CTNNA3: variants seen among roughly 807,000 people sequenced by gnomAD.
The protein encoded by CTNNA3 is catenin alpha 3, also known as catenin alpha-3.
CTNNA3 carries 76 observed loss-of-function variants against 95.7 expected under a neutral mutation model. The observed-to-expected ratio is 0.79, with a 90% CI of 0.66 to 0.96. The LOEUF is 0.96. Ranked by LOEUF, CTNNA3 falls within the 40% of genes least tolerant of loss-of-function variation. The pLI is 0.00. For synonymous variants in CTNNA3, 431 were observed against 374.4 expected (o/e 1.15, Z -1.74); for missense variants, 1,191 against 1,089.8 (o/e 1.09, Z -1.31).
intron 9 of CTNNA3, among the ~76,000 whole-genome samples, chr10:66,730,217 T>C (rs1046777586): frequency 2.6e-5 from 4 of 151,972 alleles, no homozygotes; most frequent in African/African-American, 9.7e-5. Flanking sequence ...CTGTTAATGA[T>C]AGACTGGATA....
chr10:66,860,668 A>T (rs1384270059), intron 7 of CTNNA3, among the ~76,000 whole-genome samples: 2 of 152,274 alleles, frequency 1.3e-5, no homozygotes, highest in East Asian at 3.9e-4. Context: ...TATTTGCTAT[A>T]CATAAGACAA....
intron 5 of CTNNA3, among the ~76,000 whole-genome samples, chr10:67,246,161 C>G (rs1396477991): frequency 6.6e-6 from 1 of 152,190 alleles, no homozygotes; most frequent in Non-Finnish European, 1.5e-5. Flanking sequence ...TAATTAATAA[C>G]GATTTTGCCT....
chr10:66,856,450 A>G (rs1405875638), intron 7 of CTNNA3, among the ~76,000 whole-genome samples: 1 of 152,102 alleles, frequency 6.6e-6, no homozygotes, highest in Non-Finnish European at 1.5e-5. Context: ...GTTGGATTAA[A>G]TGGTAATTCT....
chr10:67,498,604 T>C (rs1297021972), intron 5 of CTNNA3, among the ~76,000 whole-genome samples: 1 of 152,234 alleles, frequency 6.6e-6, no homozygotes, highest in Non-Finnish European at 1.5e-5. Context: ...TCCTCTCTTA[T>C]TTCCTTGAGC....
intron 7 of CTNNA3, among the ~76,000 whole-genome samples, chr10:66,808,238 T>C (rs904852389): frequency 6.6e-6 from 1 of 152,100 alleles, no homozygotes; most frequent in Non-Finnish European, 1.5e-5. Context: ...CAAAGATGTA[T>C]ATTACCTACA....
intron 13 of CTNNA3, among the ~76,000 whole-genome samples, chr10:66,135,535 A>G (rs1050021941): frequency 6.6e-6 from 1 of 152,230 alleles, no homozygotes; most frequent in African/African-American, 2.4e-5. Flanking sequence ...TAAAACATAT[A>G]GAAAGAATAA....
At chr10:66,270,224 T>TGG (rs201185571) in intron 13 of CTNNA3, among the ~76,000 whole-genome samples, 28 of 95,828 alleles carry the variant, frequency 2.9e-4, no homozygotes, top group African/African-American at 7.9e-4. Context: ...TAACATTTTT[T>TGG]GGGGGGGGGG....
At chr10:66,671,263 A>G (rs1250153121) in intron 9 of CTNNA3, among the ~76,000 whole-genome samples, 1 of 152,176 alleles carries the variant, frequency 6.6e-6, no homozygotes, top group Non-Finnish European at 1.5e-5. Context: ...ATATGACGCA[A>G]TAACAATATT....
intron 1 of CTNNA3, among the ~76,000 whole-genome samples, chr10:67,736,384 A>C (rs1165311365): frequency 6.6e-6 from 1 of 152,022 alleles, no homozygotes; most frequent in East Asian, 1.9e-4. Flanking sequence ...AATGTATTTA[A>C]TGTTCCTGAA....
intron 13 of CTNNA3, among the ~76,000 whole-genome samples, chr10:66,279,958 C>T (rs1317272380): frequency 6.6e-6 from 1 of 151,946 alleles, no homozygotes; most frequent in Non-Finnish European, 1.5e-5. Context: ...CCCAAACAGA[C>T]AACTCCCAGA....
chr10:66,993,949 T>C (rs1417308629), intron 7 of CTNNA3, among the ~76,000 whole-genome samples: 1 of 152,188 alleles, frequency 6.6e-6, no homozygotes, highest in Non-Finnish European at 1.5e-5. Flanking sequence ...TTTTAACTTT[T>C]TGTCTTCTGA....
At chr10:66,813,824 G>C (rs1459845366) in intron 7 of CTNNA3, among the ~76,000 whole-genome samples, 1 of 124,148 alleles carries the variant, frequency 8.1e-6, no homozygotes, top group Non-Finnish European at 1.6e-5. Context: ...ACTATTTGGG[G>C]GAAGGGCGTG....
At chr10:66,358,219 C>A (rs1413115500) in intron 12 of CTNNA3, among the ~76,000 whole-genome samples, 3 of 152,134 alleles carry the variant, frequency 2.0e-5, no homozygotes, top group Non-Finnish European at 1.5e-5. Flanking sequence ...AAATGAGTTT[C>A]ATCCCATACC....
At chr10:67,264,627 C>T (rs1460043055) in intron 5 of CTNNA3, among the ~76,000 whole-genome samples, 1 of 152,128 alleles carries the variant, frequency 6.6e-6, no homozygotes, top group Non-Finnish European at 1.5e-5. Context: ...CTCTATTCTG[C>T]AAATTTTAGA....
At chr10:66,703,252 T>G (rs1848012120) in intron 9 of CTNNA3, among the ~76,000 whole-genome samples, 1 of 152,140 alleles carries the variant, frequency 6.6e-6, no homozygotes, top group African/African-American at 2.4e-5. Context: ...GTGTTAGCAA[T>G]GGCATAAACA....
At position 66,420,835 on chromosome 10, in the gene CTNNA3, A is replaced by AAATAAATTAATTAATTAATT. The variant is rs751801209; in HGVS notation, c.1532-41484_1532-41483insAATTAATTAATTAATTTATT. 4.4e-3 allele frequency among the ~76,000 whole-genome samples: 406 copies of AAATAAATTAATTAATTAATT among 93,002 alleles called. 3 individuals are homozygous for AAATAAATTAATTAATTAATT. Among genetic ancestry groups the AAATAAATTAATTAATTAATT allele is most frequent in the African/African-American group, 0.014 (348 of 24,942 alleles). 61.0% of individuals were successfully genotyped at this position (93,002 alleles called of 152,430 possible). A position where few individuals can be genotyped will look rare whatever the true frequency, so the allele number is the denominator to read the frequency against. ...TAAATAAATAAATAAATAAATAAAT[A>AAATAAATTAATTAATTAATT]AATAAAAAACAATATGGAGATTTCT... On this transcript the variant is annotated intron_variant, in intron 11 of 17. Coordinates refer to ENST00000433211, the MANE Select transcript of CTNNA3 (RefSeq NM_013266.4).
chr10:66,214,638 AAT>A (rs2088394623), intron 13 of CTNNA3, among the ~76,000 whole-genome samples: 1 of 151,986 alleles, frequency 6.6e-6, no homozygotes, highest in African/African-American at 2.4e-5. Context: ...AGGGAGAAAA[AAT>A]ATATATTATA....
chr10:66,936,330 T>A (rs930024476), intron 7 of CTNNA3, among the ~76,000 whole-genome samples: 7 of 151,872 alleles, frequency 4.6e-5, no homozygotes, highest in African/African-American at 9.7e-5. Context: ...AAAAAAAAAA[T>A]CCCAAATGAT....
At chr10:66,108,783 CT>C (rs944389254) in intron 13 of CTNNA3, among the ~76,000 whole-genome samples, 1 of 152,058 alleles carries the variant, frequency 6.6e-6, no homozygotes, top group African/African-American at 2.4e-5. Context: ...TACTGACAAG[CT>C]TTTGTTATTG....
Sources: allele counts gnomAD v4.1 joint callset (sites outside exome capture counted in the v4.1 genomes callset), GRCh38; gene constraint gnomAD v4.1.1; transcripts MANE v1.5; gene names NCBI Gene and HGNC (gene_info 2026-07-23, HGNC 2026-07-21).